The following GALNT13 variants were observed in gnomAD, a reference collection of about 807,000 sequenced individuals.
GALNT13 encodes UDP-GalNAc:polypeptide N-acetylgalactosaminyltransferase 13.
Under a neutral mutation model 64.2 loss-of-function variants are expected in GALNT13, and 28 were observed. That is an observed-to-expected ratio of 0.44 (90% CI 0.32 to 0.60). The LOEUF (loss-of-function observed/expected upper bound fraction) is 0.60, where lower values mean the gene tolerates loss of function less well. Ranked by LOEUF, GALNT13 falls within the 20% of genes least tolerant of loss-of-function variation. GALNT13 has a pLI of 0.05. For missense variants in GALNT13, 577 were observed against 669.8 expected (o/e 0.86, Z 1.53); for synonymous variants, 214 against 224.6 (o/e 0.95, Z 0.42).
At chr2:153,242,693 T>G in the GALNT13 span, among the ~76,000 whole-genome samples, 1 of 152,316 alleles carries the variant, frequency 6.6e-6, no homozygotes, top group African/African-American at 2.4e-5. Context: ...ATCATGTTTT[T>G]CTGAAAAAAG....
chr2:154,344,722 A>G (rs1695970462), intron 9 of GALNT13, among the ~76,000 whole-genome samples: 1 of 152,022 alleles, frequency 6.6e-6, no homozygotes. Flanking sequence ...GAAAATCTAA[A>G]TTCTCTTATT....
chr2:153,458,764 T>C, the GALNT13 span, among the ~76,000 whole-genome samples: 6 of 152,334 alleles, frequency 3.9e-5, no homozygotes, highest in African/African-American at 1.4e-4. Flanking sequence ...TTTTTGTTTA[T>C]GTTATTCCCC....
chr2:153,380,832 AAT>A, the GALNT13 span, among the ~76,000 whole-genome samples: 2 of 152,128 alleles, frequency 1.3e-5, no homozygotes, highest in Non-Finnish European at 2.9e-5. Context: ...TAAGTTTTAA[AAT>A]TTATGTCAGG....
chr2:153,552,486 G>C, the GALNT13 span, among the ~76,000 whole-genome samples: 1 of 152,088 alleles, frequency 6.6e-6, no homozygotes, highest in East Asian at 1.9e-4. Flanking sequence ...AATGTGAGGA[G>C]GGTAGTTAGG....
the GALNT13 span, among the ~76,000 whole-genome samples, chr2:153,377,873 A>G: frequency 6.6e-6 from 1 of 152,174 alleles, no homozygotes; most frequent in African/African-American, 2.4e-5. Flanking sequence ...CAGCCAAGAA[A>G]GATGCATGCA....
At position 154,242,826 on chromosome 2, in the gene GALNT13, G is replaced by C; in HGVS notation, c.607G>C (p.Val203Leu). The C allele has an allele frequency of 6.2e-7, 1 of 1,614,148 alleles. No individual in the cohort carries two copies. The highest frequency in any genetic ancestry group is 8.5e-7 in the Non-Finnish European group (1 of 1,180,032). Residue 203 changes from valine (V) to leucine (L), a missense_variant, in exon 6 of 13, where the codon GTC becomes CTC. Val to Leu is a conservative substitution (Grantham distance 32, BLOSUM62 1). This residue lies in a region of GALNT13 where 341 missense variants were observed against 379.3 expected (regional missense o/e 0.90). Coordinates refer to ENST00000392825, the MANE Select transcript of GALNT13 (RefSeq NM_052917.4). Reference sequence around the variant, plus strand: ...AGGAGCAGCTGCTTCAAAAGGGCAGGTCATAACTTTTCTTGATGCACACTG... The same window carrying C: ...AGGAGCAGCTGCTTCAAAAGGGCAGCTCATAACTTTTCTTGATGCACACTG... Reference protein sequence around the residue: ...LRGAAASKGQVITFLDAHCEC... With the variant: ...LRGAAASKGQLITFLDAHCEC...
chr2:154,137,708 C>T (rs932726577), intron 3 of GALNT13, among the ~76,000 whole-genome samples: 5 of 152,014 alleles, frequency 3.3e-5, no homozygotes, highest in Non-Finnish European at 7.4e-5. Flanking sequence ...ATGTCTTTTC[C>T]ACAGAGCGAA....
the GALNT13 span, among the ~76,000 whole-genome samples, chr2:153,089,663 T>A: frequency 0.043 from 6,545 of 152,026 alleles, 278 homozygotes; most frequent in African/African-American, 0.11. Context: ...AGGCTTTTTT[T>A]AATTCTTTTT....
intron 3 of GALNT13, among the ~76,000 whole-genome samples, chr2:154,098,837 A>T (rs1226425912): frequency 6.6e-6 from 1 of 152,058 alleles, no homozygotes; most frequent in Non-Finnish European, 1.5e-5. Flanking sequence ...GGACAGGTTG[A>T]TTCCATGACT....
chr2:153,616,855 A>G, the GALNT13 span, among the ~76,000 whole-genome samples: 1 of 152,014 alleles, frequency 6.6e-6, no homozygotes, highest in East Asian at 1.9e-4. Flanking sequence ...ATATAACTCT[A>G]TATCATCTAC....
chr2:153,980,361 G>T (rs535315564), intron 3 of GALNT13, among the ~76,000 whole-genome samples: 2 of 152,288 alleles, frequency 1.3e-5, no homozygotes, highest in South Asian at 4.1e-4. Context: ...TGAAAAGTGG[G>T]TGGGAAGGAA....
chr2:154,277,768 A>G (rs937844159), intron 8 of GALNT13, among the ~76,000 whole-genome samples: 4 of 152,190 alleles, frequency 2.6e-5, no homozygotes, highest in Non-Finnish European at 4.4e-5. Context: ...ATTCAACCAA[A>G]CAATATTTAC....
At chr2:153,772,330 C>T in the GALNT13 span, among the ~76,000 whole-genome samples, 130,802 of 152,196 alleles carry the variant, frequency 0.86, 57,133 homozygotes, top group Non-Finnish European at 0.9. Context: ...TTTTCCTCTG[C>T]CTGTCTCCTC....
At chr2:153,673,687 G>C in the GALNT13 span, among the ~76,000 whole-genome samples, 1 of 152,162 alleles carries the variant, frequency 6.6e-6, no homozygotes, top group Admixed American at 6.5e-5. Context: ...ATTCAACATA[G>C]TGTTGGAAGT....
intron 3 of GALNT13, among the ~76,000 whole-genome samples, chr2:154,026,184 A>T (rs868180294): frequency 1.3e-5 from 2 of 152,216 alleles, no homozygotes; most frequent in Admixed American, 6.5e-5. Flanking sequence ...CACACAGGAA[A>T]TGAGATCTAA....
chr2:153,123,389 C>A, the GALNT13 span, among the ~76,000 whole-genome samples: 9 of 152,244 alleles, frequency 5.9e-5, no homozygotes, highest in Admixed American at 4.6e-4. Flanking sequence ...TTAAATTTGA[C>A]TAAATTTAAA....
chr2:154,112,252 G>A (rs1467495297), intron 3 of GALNT13, among the ~76,000 whole-genome samples: 1 of 152,178 alleles, frequency 6.6e-6, no homozygotes, highest in African/African-American at 2.4e-5. Flanking sequence ...CAGCCTTGGT[G>A]AGTGGAAGTC....
chr2:154,184,011 C>T (rs1686112516), intron 4 of GALNT13, among the ~76,000 whole-genome samples: 1 of 151,834 alleles, frequency 6.6e-6, no homozygotes, highest in African/African-American at 2.4e-5. Flanking sequence ...CTCAAAGTCC[C>T]AGGCTCAAGA....
At chr2:153,786,189 C>A in the GALNT13 span, among the ~76,000 whole-genome samples, 1 of 152,166 alleles carries the variant, frequency 6.6e-6, no homozygotes, top group South Asian at 2.1e-4. Context: ...CCCAGCATTT[C>A]TCTGAAGAGG....
Sources: gnomAD v4.1 joint callset for allele counts (sites outside exome capture counted in the v4.1 genomes callset) on GRCh38, gnomAD v4.1.1 for gene constraint, gnomAD v4.1.1 regional missense constraint, MANE v1.5 for transcripts, NCBI Gene and HGNC (gene_info 2026-07-23, HGNC 2026-07-21) for gene names.